Variants in TMPRSS5 observed in about 807,000 individuals in gnomAD.
TMPRSS5 encodes transmembrane protease serine 5.
TMPRSS5 carries 45 observed loss-of-function variants against 59.7 expected under a neutral mutation model. The ratio of observed to expected loss-of-function variants is 0.75; its 90% CI spans 0.59 to 0.97. The LOEUF (loss-of-function observed/expected upper bound fraction) is 0.97, where lower values mean the gene tolerates loss of function less well. TMPRSS5 is among the 50% of genes least tolerant of loss of function. The pLI is 0.00. For synonymous variants in TMPRSS5, 225 were observed against 232.0 expected (o/e 0.97, Z 0.27); for missense variants, 585 against 596.7 (o/e 0.98, Z 0.20).
chr11:113,705,800 C>T (rs979709134), intron 1 of TMPRSS5, among the ~76,000 whole-genome samples: 1 of 152,128 alleles, frequency 6.6e-6, no homozygotes, highest in Non-Finnish European at 1.5e-5. Flanking sequence ...GCCTCAGTAC[C>T]AAGGAAGCTT....
intron 12 of TMPRSS5, 85 bp from the exon 13 acceptor site, chr11:113,688,359 G>T (rs1187258354): frequency 4.4e-6 from 4 of 912,132 alleles, no homozygotes; most frequent in African/African-American, 1.7e-5. Context: ...ACTTAACCAT[G>T]CAGGGCCTTG....
Position 113,693,062 on chromosome 11 carries a change from G to T in TMPRSS5, c.964+9C>A. ...CTCCAGCCTGCCCACCCTCAAGCCA[G>T]TGCCGCACCTGAGAAGTTGAGAGCG... On this transcript the variant is annotated intron_variant, in intron 9 of 12. Transcript: ENST00000299882. 1.5e-6 allele frequency: 2 copies of T among 1,365,990 alleles called. No homozygotes were observed. The highest frequency in any genetic ancestry group is 1.9e-6 in the Non-Finnish European group (2 of 1,029,518). 84.6% of individuals were successfully genotyped at this position (1,365,990 alleles called of 1,614,324 possible).
chr11:113,693,021 C>CCACAAA, intron 9 of TMPRSS5, 50 bp downstream of exon 9: 3 of 1,483,246 alleles, frequency 2.0e-6, no homozygotes, highest in African/African-American at 1.4e-5. Context: ...CAGCCCCCGC[C>CCACAAA]CTCTCTCGCC....
At chr11:113,705,724 T>C (rs1316952669) in intron 1 of TMPRSS5, among the ~76,000 whole-genome samples, 1 of 152,166 alleles carries the variant, frequency 6.6e-6, no homozygotes, top group Non-Finnish European at 1.5e-5. Context: ...TGAGCTGATG[T>C]CCCTCTGAGT....
Position 113,699,282 on chromosome 11 carries a change from T to C in TMPRSS5, c.206-255A>G, listed in dbSNP as rs1220294870. 8.8e-4 allele frequency among the ~76,000 whole-genome samples: 118 copies of C among 133,936 alleles called. 13 individuals are homozygous for C. In the East Asian group the frequency reaches 0.016, roughly 18 times the overall value. 87.9% of individuals were successfully genotyped at this position (133,936 alleles called of 152,430 possible). ...CTCTCTCTCTCTCTCCCTCTCTCTC[T>C]CTCTCTCTCTGTCTCTCTCTCTCTC... On this transcript the variant is annotated intron_variant, in intron 3 of 12. Transcript: ENST00000299882.
chr11:113,700,465 A>G (rs933568087), intron 1 of TMPRSS5, among the ~76,000 whole-genome samples: 2 of 152,130 alleles, frequency 1.3e-5, no homozygotes, highest in African/African-American at 4.8e-5. Flanking sequence ...TTCATCTTCC[A>G]TAAACATTGA....
chr11:113,694,226 CAAAGTG>C (rs2134796822), intron 8 of TMPRSS5: 1 of 292,902 alleles, frequency 3.4e-6, no homozygotes, highest in Admixed American at 6.8e-5. Flanking sequence ...GCCTGGGCAA[CAAAGTG>C]AGACTCTGTC....
intron 3 of TMPRSS5, 49 bp downstream of exon 3, chr11:113,699,546 T>C (rs1953062738): frequency 2.7e-6 from 4 of 1,477,092 alleles, no homozygotes; most frequent in Non-Finnish European, 2.8e-6. Context: ...CAGCACCTGC[T>C]TCTCCCTTCC....
intron 8 of TMPRSS5, chr11:113,694,273 T>C: frequency 2.5e-6 from 1 of 395,380 alleles, no homozygotes; most frequent in Non-Finnish European, 4.4e-6. Context: ...CTGATGAATA[T>C]AAAGAACAAA....
intron 1 of TMPRSS5, 150 bp from the exon 2 acceptor site, chr11:113,700,318 T>C: frequency 2.5e-6 from 2 of 788,696 alleles, no homozygotes; most frequent in Non-Finnish European, 3.8e-6. Context: ...TCCCTGTATA[T>C]TCCCACAAAT....
intron 12 of TMPRSS5, 35 bp from the exon 13 acceptor site, chr11:113,688,309 T>C (rs1403776549): frequency 6.8e-7 from 1 of 1,473,202 alleles, no homozygotes; most frequent in East Asian, 2.4e-5. Context: ...ATTCACAGCA[T>C]GGCTCTACAC....
intron 9 of TMPRSS5, 117 bp from the exon 10 acceptor site, chr11:113,691,056 G>C: frequency 1.1e-6 from 1 of 949,144 alleles, no homozygotes; most frequent in Non-Finnish European, 1.6e-6. Flanking sequence ...AAACAGTCCT[G>C]GCTCCTGGGT....
chr11:113,701,444 G>T (rs1471186238), intron 1 of TMPRSS5, among the ~76,000 whole-genome samples: 1 of 149,162 alleles, frequency 6.7e-6, no homozygotes, highest in African/African-American at 2.4e-5. Flanking sequence ...GAAGCATTTT[G>T]CCCCTGCCCT....
At chr11:113,692,332 G>GTA (rs2134789985) in intron 9 of TMPRSS5, among the ~76,000 whole-genome samples, 2 of 152,330 alleles carry the variant, frequency 1.3e-5, no homozygotes, top group East Asian at 3.9e-4. Context: ...ATATGTGTGT[G>GTA]TACAGTGTGC....
chr11:113,690,178 C>CCCA, intron 11 of TMPRSS5, 53 bp downstream of exon 11: 1 of 705,260 alleles, frequency 1.4e-6, no homozygotes, highest in Non-Finnish European at 2.4e-6. Context: ...GGCCCCCTGC[C>CCCA]CTCCCACCCC....
intron 4 of TMPRSS5, 96 bp from the exon 5 acceptor site, chr11:113,697,514 C>T: frequency 7.0e-7 from 1 of 1,429,852 alleles, no homozygotes; most frequent in Non-Finnish European, 9.5e-7. Context: ...CTTGAAGAGG[C>T]CTTAATGACA....
In TMPRSS5 at chr11:113,689,657, C is replaced by T. The variant is rs765959560; in HGVS notation, c.1359+108G>A. ...ACTCACTCTGGGGAATATGTCCTAG[C>T]ACCCTCCCCAGTCCCCAGCAGGGCC... On this transcript the variant is annotated intron_variant, in intron 12 of 12. Coordinates refer to ENST00000299882, the MANE Select transcript of TMPRSS5 (RefSeq NM_030770.4). 27 of 1,259,302 alleles carry T rather than the reference C, an allele frequency of 2.1e-5. No individual in the cohort carries two copies. In the Admixed American group the frequency reaches 2.8e-4, roughly 13 times the overall value. The allele number at this position is 1,259,302 out of a possible 1,614,324, so 78.0% of individuals were successfully genotyped here.
At chr11:113,701,599 C>T (rs1291335376) in intron 1 of TMPRSS5, among the ~76,000 whole-genome samples, 1 of 151,776 alleles carries the variant, frequency 6.6e-6, no homozygotes, top group South Asian at 2.1e-4. Context: ...ACCCACATGA[C>T]CAACACAGTC....
At chr11:113,691,882 C>CTTTTTTTTTT (rs1335395772) in intron 9 of TMPRSS5, among the ~76,000 whole-genome samples, 3 of 70,778 alleles carry the variant, frequency 4.2e-5, no homozygotes, top group African/African-American at 2.1e-4. Context: ...GTTTTCTTTT[C>CTTTTTTTTTT]CTTTTTTTTC....
Sources: allele counts gnomAD v4.1 joint callset (sites outside exome capture counted in the v4.1 genomes callset), GRCh38; gene constraint gnomAD v4.1.1; transcripts MANE v1.5; gene names NCBI Gene and HGNC (gene_info 2026-07-23, HGNC 2026-07-21).